HECW2: variants seen among roughly 807,000 people sequenced by gnomAD.
The protein encoded by HECW2 is HECT, C2 and WW domain containing E3 ubiquitin protein ligase 2, also known as E3 ubiquitin-protein ligase HECW2.
A neutral mutation model predicts 175.2 loss-of-function variants in HECW2; 61 were observed. The observed-to-expected ratio is 0.35, with a 90% CI of 0.28 to 0.43. HECW2 has a LOEUF of 0.43. Ranked by LOEUF, HECW2 falls within the 20% of genes least tolerant of loss-of-function variation. The pLI, the probability that HECW2 is intolerant of heterozygous loss-of-function variation, is 1.00. For synonymous variants in HECW2, 671 were observed against 731.0 expected (o/e 0.92, Z 1.32); for missense variants, 1,524 against 2,000.5 (o/e 0.76, Z 4.54).
At chr2:196,329,309 C>T (rs1692268775) in intron 5 of HECW2, among the ~76,000 whole-genome samples, 1 of 152,172 alleles carries the variant, frequency 6.6e-6, no homozygotes, top group Non-Finnish European at 1.5e-5. Flanking sequence ...TAGCACATTA[C>T]GTTACAGTTT....
Position 196,240,792 on chromosome 2 carries a change from T to A in HECW2, c.3651-230A>T, listed in dbSNP as rs4349368. 0.95 allele frequency among the ~76,000 whole-genome samples: 144,844 copies of A among 152,068 alleles called. 69,394 individuals carry two copies. The highest frequency in any genetic ancestry group is 1 in the East Asian group (5,182 of 5,182). ...TAGAGTACCCTACCTATGACCAGTGTAAACAACCGGAGAATCCTATCTAAA... is the reference window on the plus strand; with the variant it reads ...TAGAGTACCCTACCTATGACCAGTGAAAACAACCGGAGAATCCTATCTAAA... On this transcript the variant is annotated intron_variant, in intron 20 of 28. Transcript: ENST00000644978.
At chr2:196,520,375 T>C (rs1248510099) in intron 1 of HECW2, among the ~76,000 whole-genome samples, 1 of 152,172 alleles carries the variant, frequency 6.6e-6, no homozygotes, top group Non-Finnish European at 1.5e-5. Flanking sequence ...AATGGATTCC[T>C]GTCTACCCAA....
intron 1 of HECW2, among the ~76,000 whole-genome samples, chr2:196,475,835 C>G (rs1686584196): frequency 6.6e-6 from 1 of 152,246 alleles, no homozygotes; most frequent in African/African-American, 2.4e-5. Flanking sequence ...CTTCCGGCAT[C>G]AGAAGGAAGG....
At chr2:196,374,992 C>T (rs757226669) in intron 2 of HECW2, among the ~76,000 whole-genome samples, 22 of 151,708 alleles carry the variant, frequency 1.5e-4, no homozygotes, top group Non-Finnish European at 2.6e-4. Context: ...GAAACCCCGT[C>T]TCTACTAAAA....
Position 196,319,781 on chromosome 2 carries a change from C to G in HECW2, c.1109G>C (p.Gly370Ala), listed in dbSNP as rs1235883263. ...GGCAGCACTGTCCTCAGAAACTGGCCCATTAGAGCACACCTGGCTGTCGTG... is the reference window on the plus strand; with the variant it reads ...GGCAGCACTGTCCTCAGAAACTGGCGCATTAGAGCACACCTGGCTGTCGTG... ...SHHDSQVCSN[G>A]PVSEDSAADG... Residue 370 changes from glycine (G) to alanine (A), a missense_variant, in exon 9 of 29, where the codon GGG (glycine) becomes GCG (alanine). By Grantham distance (60) the Gly-to-Ala change is moderately conservative (BLOSUM62 0). Coordinates refer to ENST00000644978, the MANE Select transcript of HECW2 (RefSeq NM_001348768.2). The G allele has an allele frequency of 6.2e-7, 1 of 1,614,156 alleles. No homozygotes were observed. Among genetic ancestry groups the G allele is most frequent in the Middle Eastern group, 1.6e-4 (1 of 6,062 alleles).
rs550700598 is a variant in HECW2 at position 196,444,805 on chromosome 2, T to C, written c.-35-11347A>G. Among the ~76,000 whole-genome samples, 3 of 152,196 alleles carry C rather than the reference T, an allele frequency of 2.0e-5. No homozygotes were observed. In the South Asian group the frequency reaches 6.2e-4, roughly 32 times the overall value. ...CAAATGGTTGCATAGTCCAGGTGAG[T>C]AGCAAGGAAGGCACAGATTTCAGTG... On this transcript the variant is annotated intron_variant, in intron 1 of 28. Coordinates refer to ENST00000644978, the MANE Select transcript of HECW2 (RefSeq NM_001348768.2).
intron 1 of HECW2, among the ~76,000 whole-genome samples, chr2:196,477,721 G>A (rs929455514): frequency 7.9e-5 from 12 of 152,154 alleles, no homozygotes; most frequent in African/African-American, 1.2e-4. Flanking sequence ...GGAAAGAAGC[G>A]GGTACAAGGA....
Position 196,278,555 on chromosome 2 carries a change from T to C in HECW2, c.3108A>G (p.Thr1036=). The change falls in exon 15 of 29, where the codon ACA becomes ACG. Residue 1036 remains threonine (T), a synonymous_variant. Coordinates refer to ENST00000644978, the MANE Select transcript of HECW2 (RefSeq NM_001348768.2). ...CACCCGCACTGTGGCTGCGTTGCCT[T>C]GTCAGGTGTTGCCGATGAACCAGCG... The part of the protein sequence containing the change: ...TSALVHRQHL[T]RQRSHSAGEV... The C allele has an allele frequency of 6.2e-7, 1 of 1,614,122 alleles. No individual in the cohort carries two copies. Among genetic ancestry groups the C allele is most frequent in the Non-Finnish European group, 8.5e-7 (1 of 1,179,992 alleles).
At chr2:196,241,155 A>G (rs1294457940) in intron 20 of HECW2, among the ~76,000 whole-genome samples, 1 of 152,216 alleles carries the variant, frequency 6.6e-6, no homozygotes, top group East Asian at 1.9e-4. Context: ...GATGATGCCA[A>G]TTAAAGTCAT....
intron 1 of HECW2, among the ~76,000 whole-genome samples, chr2:196,580,930 T>C (rs1014057676): frequency 2.6e-5 from 4 of 152,074 alleles, no homozygotes; most frequent in African/African-American, 9.7e-5. Flanking sequence ...ATAAACAAAA[T>C]GAACAAAACT....
At chr2:196,421,388 C>T (rs552672481) in intron 2 of HECW2, among the ~76,000 whole-genome samples, 1 of 152,188 alleles carries the variant, frequency 6.6e-6, no homozygotes, top group South Asian at 2.1e-4. Flanking sequence ...AAAAGATACA[C>T]TAAGCAAAAA....
chr2:196,283,439 A>G (rs1244907966), intron 14 of HECW2, among the ~76,000 whole-genome samples: 4 of 147,934 alleles, frequency 2.7e-5, no homozygotes. Flanking sequence ...GCAGTGGCAC[A>G]ATCTTGGCTC....
At chr2:196,584,770 T>A (rs905106661) in intron 1 of HECW2, among the ~76,000 whole-genome samples, 1 of 152,176 alleles carries the variant, frequency 6.6e-6, no homozygotes, top group Admixed American at 6.5e-5. Flanking sequence ...AGTGATGAAT[T>A]ACACTTCAGG....
chr2:196,344,986 C>A (rs558271251), intron 2 of HECW2, among the ~76,000 whole-genome samples: 11 of 152,248 alleles, frequency 7.2e-5, no homozygotes, highest in African/African-American at 2.6e-4. Context: ...CTACTAGTTT[C>A]ATCATATTGA....
At chr2:196,238,968 G>A (rs1216484300) in intron 21 of HECW2, 1 of 152,224 alleles carries the variant, frequency 6.6e-6, no homozygotes, top group Non-Finnish European at 1.5e-5. Context: ...CAACAATGAA[G>A]GGAGGCAGCT....
At chr2:196,491,369 TACACAC>T (rs67409257) in intron 1 of HECW2, among the ~76,000 whole-genome samples, 10,734 of 130,582 alleles carry the variant, frequency 0.082, 593 homozygotes, top group African/African-American at 0.17. Context: ...CATATATATA[TACACAC>T]ACACACACAC....
At chr2:196,491,441 A>C (rs905815147) in intron 1 of HECW2, among the ~76,000 whole-genome samples, 13 of 148,646 alleles carry the variant, frequency 8.7e-5, no homozygotes, top group African/African-American at 3.2e-4. Flanking sequence ...ATATACACAC[A>C]TATATACACA....
intron 1 of HECW2, among the ~76,000 whole-genome samples, chr2:196,564,105 G>A (rs1445829126): frequency 2.6e-5 from 4 of 152,176 alleles, no homozygotes; most frequent in Non-Finnish European, 4.4e-5. Flanking sequence ...CTGATGGGAA[G>A]TAGTAGTGAT....
intron 1 of HECW2, among the ~76,000 whole-genome samples, chr2:196,484,933 G>A (rs1384940972): frequency 1.3e-5 from 2 of 152,230 alleles, no homozygotes; most frequent in Non-Finnish European, 2.9e-5. Flanking sequence ...TAGGTAGCAA[G>A]ATGAAACTGT....
Sources: allele counts gnomAD v4.1 joint callset (sites outside exome capture counted in the v4.1 genomes callset), GRCh38; gene constraint gnomAD v4.1.1; transcripts MANE v1.5; gene names NCBI Gene and HGNC (gene_info 2026-07-23, HGNC 2026-07-21).